The following FHOD3 variants were observed in gnomAD, a reference collection of about 807,000 sequenced individuals.
The protein encoded by FHOD3 is formin homology 2 domain containing 3.
Under a neutral mutation model 173.0 loss-of-function variants are expected in FHOD3, and 90 were observed. The ratio of observed to expected loss-of-function variants is 0.52; its 90% confidence interval spans 0.44 to 0.62. The LOEUF (loss-of-function observed/expected upper bound fraction) is 0.62. Among genes scored for constraint, FHOD3 ranks in the 20% least tolerant of loss-of-function variants. FHOD3 has a pLI of 0.00. For synonymous variants in FHOD3, 828 were observed against 823.0 expected, an observed-to-expected ratio of 1.01 and a Z score of -0.10; for missense variants, 1,945 against 2,034.7, an observed-to-expected ratio of 0.96 and a Z score of 0.85.
At chr18:36,645,448 T>G (rs1397919442) in intron 10 of FHOD3, among the ~76,000 whole-genome samples, 1 of 152,008 alleles carries the variant, frequency 6.6e-6, no homozygotes. Flanking sequence ...GAAGGATGGC[T>G]TAGATGTGCT....
intron 3 of FHOD3, among the ~76,000 whole-genome samples, chr18:36,444,208 A>G (rs1482155951): frequency 6.6e-6 from 1 of 151,584 alleles, no homozygotes; most frequent in Non-Finnish European, 1.5e-5. Context: ...AAAAAAAAAA[A>G]AAAAGAATTG....
chr18:36,464,569 A>G (rs1267596979), intron 3 of FHOD3, among the ~76,000 whole-genome samples: 1 of 152,142 alleles, frequency 6.6e-6, no homozygotes, highest in Non-Finnish European at 1.5e-5. Context: ...ATCAACTAAC[A>G]CTTAAGAGAC....
chr18:36,769,238 TG>T lies in FHOD3; in HGVS notation c.4625-26del, dbSNP rs1567966672. On this transcript the variant is annotated intron_variant, in intron 27 of 28. Transcript: ENST00000590592. ...TTTTGTGTTTTCCTTCTGAGTATGTTGTGCACTCTGGCTGTTTAATTTTTAG... is the reference window on the plus strand; with the variant it reads ...TTTTGTGTTTTCCTTCTGAGTATGTTTGCACTCTGGCTGTTTAATTTTTAG... The T allele has an allele frequency of 1.9e-6, 3 of 1,611,932 alleles. No homozygotes were observed. The Admixed American group carries it at 5.0e-5, about 27-fold the overall frequency.
chr18:36,622,135 C>G (rs2033760573), intron 9 of FHOD3, among the ~76,000 whole-genome samples: 3 of 152,148 alleles, frequency 2.0e-5, no homozygotes, highest in Non-Finnish European at 4.4e-5. Context: ...CTAAAATAGA[C>G]TCACAGAAGC....
intron 6 of FHOD3, among the ~76,000 whole-genome samples, chr18:36,587,040 A>G (rs1015775972): frequency 4.6e-5 from 7 of 152,146 alleles, no homozygotes; most frequent in African/African-American, 1.7e-4. Context: ...GTGGTTCACA[A>G]ATCAGCTCCT....
chr18:36,498,919 A>G lies in FHOD3; in HGVS notation c.338-3013A>G, dbSNP rs73423277. ...GTAAAACCTTAATGATCAGAACACA[A>G]CTAATGATGATCTTCATTTAGATGA... On this transcript the variant is annotated intron_variant, in intron 3 of 28. Coordinates refer to ENST00000590592, the MANE Select transcript of FHOD3 (RefSeq NM_001281740.3). Among the ~76,000 whole-genome samples the G allele has an allele frequency of 5.7e-3, 866 of 152,290 alleles. 12 individuals carry two copies. Among genetic ancestry groups the G allele is most frequent in the African/African-American group, 0.02 (819 of 41,552 alleles).
At chr18:36,686,299 C>T (rs775892431) in intron 15 of FHOD3, among the ~76,000 whole-genome samples, 12 of 151,860 alleles carry the variant, frequency 7.9e-5, no homozygotes, top group African/African-American at 9.7e-5. Flanking sequence ...TCACATCCTT[C>T]GCAAGGACAT....
At chr18:36,382,965 C>T (rs1454050982) in intron 3 of FHOD3, among the ~76,000 whole-genome samples, 1 of 152,204 alleles carries the variant, frequency 6.6e-6, no homozygotes, top group Non-Finnish European at 1.5e-5. Context: ...GAGTGCTATG[C>T]TGCCCTGTCT....
At position 36,630,498 on chromosome 18, in the gene FHOD3, A is replaced by G. The variant is rs73949808; in HGVS notation, c.1196+4749A>G. Among the ~76,000 whole-genome samples the G allele has an allele frequency of 5.3e-3, 806 of 152,332 alleles. 10 individuals carry two copies. The highest frequency in any genetic ancestry group is 0.018 in the African/African-American group (763 of 41,568). ...TGCTACTCTCAGTAACTGAAATGCCAACAAATCCAATTCTAATCGGCTTCA... is the reference window on the plus strand; with the variant it reads ...TGCTACTCTCAGTAACTGAAATGCCGACAAATCCAATTCTAATCGGCTTCA... On this transcript the variant is annotated intron_variant, in intron 10 of 28. Coordinates refer to ENST00000590592, the MANE Select transcript of FHOD3 (RefSeq NM_001281740.3).
intron 5 of FHOD3, among the ~76,000 whole-genome samples, chr18:36,563,250 C>T (rs1322961979): frequency 2.0e-5 from 3 of 152,162 alleles, no homozygotes; most frequent in African/African-American, 7.2e-5. Context: ...TTACAGAGGA[C>T]TGATTTTTGA....
intron 17 of FHOD3, among the ~76,000 whole-genome samples, chr18:36,701,214 A>G (rs899200478): frequency 3.3e-5 from 5 of 152,192 alleles, no homozygotes; most frequent in African/African-American, 1.2e-4. Context: ...GAAATTTATT[A>G]CATGAGCCAT....
chr18:36,722,233 C>T (rs759621665), intron 19 of FHOD3, among the ~76,000 whole-genome samples: 4 of 152,172 alleles, frequency 2.6e-5, no homozygotes, highest in Admixed American at 1.3e-4. Flanking sequence ...CAAAGTGACC[C>T]TAAGAAAGAT....
At chr18:36,705,595 C>A (rs1045435931) in intron 17 of FHOD3, among the ~76,000 whole-genome samples, 4 of 152,194 alleles carry the variant, frequency 2.6e-5, no homozygotes, top group Non-Finnish European at 5.9e-5. Context: ...GATATCACGG[C>A]AGGTTGTTCA....
intron 17 of FHOD3, among the ~76,000 whole-genome samples, chr18:36,705,081 C>G (rs1024014370): frequency 2.0e-5 from 3 of 152,228 alleles, no homozygotes; most frequent in African/African-American, 7.2e-5. Context: ...CCAAGCTGTT[C>G]CCAGCAGAAA....
chr18:36,759,281 C>A, intron 26 of FHOD3, 140 bp downstream of exon 26: 1 of 924,754 alleles, frequency 1.1e-6, no homozygotes, highest in South Asian at 1.5e-5. Context: ...GGTTGGTTTT[C>A]GTGTGATCAC....
At chr18:36,690,471 T>TTC (rs1339235938) in intron 16 of FHOD3, among the ~76,000 whole-genome samples, 1 of 152,196 alleles carries the variant, frequency 6.6e-6, no homozygotes, top group East Asian at 1.9e-4. Flanking sequence ...TCAGATCAAG[T>TTC]ACTATTGGGC....
chr18:36,610,378 G>C (rs376779643), intron 8 of FHOD3, among the ~76,000 whole-genome samples: 66 of 152,342 alleles, frequency 4.3e-4, no homozygotes, highest in African/African-American at 1.5e-3. Context: ...AATGTTGGAA[G>C]CAGAAGGCAG....
At chr18:36,358,655 TAA>T (rs2046470876) in intron 2 of FHOD3, among the ~76,000 whole-genome samples, 1 of 152,198 alleles carries the variant, frequency 6.6e-6, no homozygotes, top group Non-Finnish European at 1.5e-5. Flanking sequence ...GCTACACATT[TAA>T]AATTTTTTTT....
intron 14 of FHOD3, among the ~76,000 whole-genome samples, chr18:36,660,542 G>A (rs1354931928): frequency 6.6e-6 from 1 of 152,226 alleles, no homozygotes; most frequent in Non-Finnish European, 1.5e-5. Context: ...GGAGCAGCAG[G>A]TTTGGCAGAG....
Sources: allele counts gnomAD v4.1 joint callset (sites outside exome capture counted in the v4.1 genomes callset), GRCh38; gene constraint gnomAD v4.1.1; transcripts MANE v1.5; gene names NCBI Gene and HGNC (gene_info 2026-07-23, HGNC 2026-07-21).